Variants in MERTK observed in about 807,000 individuals in gnomAD.
MERTK encodes the protein MER proto-oncogene, tyrosine kinase, also known as tyrosine-protein kinase Mer.
MERTK carries 69 observed loss-of-function variants against 99.3 expected under a neutral mutation model. The observed-to-expected ratio is 0.70, with a 90% CI of 0.57 to 0.85. The LOEUF (loss-of-function observed/expected upper bound fraction) is 0.85. MERTK is among the 40% of genes least tolerant of loss of function. The probability of loss-of-function intolerance (pLI) is 0.00; values close to 1 mark genes in which losing one functional copy is unlikely to be tolerated. For synonymous variants in MERTK, 426 were observed against 467.6 expected, an observed-to-expected ratio of 0.91 and a Z score of 1.15; for missense variants, 1,125 against 1,249.4, an observed-to-expected ratio of 0.90 and a Z score of 1.50.
rs138846368 is a variant in MERTK at position 111,979,303 on chromosome 2, C to G, written c.1145-3539C>G. 1.6e-3 allele frequency among the ~76,000 whole-genome samples: 242 copies of G among 152,308 alleles called. 2 individuals are homozygous for G. The highest frequency in any genetic ancestry group is 5.5e-3 in the African/African-American group (227 of 41,558). On this transcript the variant is annotated intron_variant, in intron 7 of 18. Coordinates refer to ENST00000295408, the MANE Select transcript of MERTK (RefSeq NM_006343.3). ...AATTTAGGTTGAAATTATTTTCCCTCAGAAGTTTAAAGGCGTTTTTGTATC... is the reference window on the plus strand; with the variant it reads ...AATTTAGGTTGAAATTATTTTCCCTGAGAAGTTTAAAGGCGTTTTTGTATC...
At position 112,029,074 on chromosome 2, in the gene MERTK, A is replaced by G; in HGVS notation, c.*210A>G. 1 of 1,283,790 alleles carries G rather than the reference A, an allele frequency of 7.8e-7. No homozygotes were observed. Among genetic ancestry groups the G allele is most frequent in the South Asian group, 2.3e-5 (1 of 43,862 alleles). The allele number at this position is 1,283,790 out of a possible 1,614,324, so 79.5% of individuals were successfully genotyped here. A position where few individuals can be genotyped will look rare whatever the true frequency, so the allele number is the denominator to read the frequency against. The stretch of plus-strand genomic sequence containing the variant: ...AAAAAATATGTGTATATCATGGAAA[A>G]AGACAAGGATATTTTAATAAAACAT... On this transcript the variant is annotated 3_prime_UTR_variant, in exon 19 of 19. Coordinates refer to ENST00000295408, the MANE Select transcript of MERTK (RefSeq NM_006343.3).
chr2:111,918,383 A>G (rs1291893693), intron 1 of MERTK, among the ~76,000 whole-genome samples: 3 of 152,110 alleles, frequency 2.0e-5, no homozygotes, highest in African/African-American at 7.2e-5. Context: ...GCTGGAGTAT[A>G]TGTTTTGGGA....
intron 15 of MERTK, among the ~76,000 whole-genome samples, chr2:112,013,061 C>T (rs1196639327): frequency 6.6e-6 from 1 of 151,886 alleles, no homozygotes; most frequent in Non-Finnish European, 1.5e-5. Flanking sequence ...TTCTCTTCTT[C>T]CTAGGGACAG....
intron 1 of MERTK, 100 bp from the exon 2 acceptor site, chr2:111,929,020 G>A: frequency 8.4e-7 from 1 of 1,190,358 alleles, no homozygotes; most frequent in Admixed American, 1.8e-5. Flanking sequence ...GGGCACAGAG[G>A]ACACCCCAGT....
chr2:111,919,754 G>T (rs867132780), intron 1 of MERTK, among the ~76,000 whole-genome samples: 24 of 151,564 alleles, frequency 1.6e-4, no homozygotes, highest in African/African-American at 5.6e-4. Flanking sequence ...AAGCAGAGAG[G>T]TACCTCTGCT....
chr2:111,968,356 C>G, intron 6 of MERTK, 104 bp downstream of exon 6: 5 of 884,348 alleles, frequency 5.7e-6, no homozygotes, highest in Non-Finnish European at 9.4e-6. Flanking sequence ...TTCTCCATCT[C>G]TGTACAGAGT....
intron 2 of MERTK, among the ~76,000 whole-genome samples, chr2:111,933,296 T>A (rs570823558): frequency 1.3e-5 from 2 of 152,334 alleles, no homozygotes; most frequent in South Asian, 2.1e-4. Flanking sequence ...CCTAAGGAAA[T>A]CTACTGTGGC....
chr2:111,913,565 A>C (rs1336858404), intron 1 of MERTK, among the ~76,000 whole-genome samples: 2 of 151,596 alleles, frequency 1.3e-5, no homozygotes, highest in Non-Finnish European at 2.9e-5. Flanking sequence ...TTTTTTTGAG[A>C]TGGAGTCTCA....
intron 13 of MERTK, among the ~76,000 whole-genome samples, chr2:112,005,355 A>T (rs1381662871): frequency 6.6e-6 from 1 of 152,206 alleles, no homozygotes; most frequent in Non-Finnish European, 1.5e-5. Flanking sequence ...TACAGGCATG[A>T]GCCACTTCAC....
intron 18 of MERTK, chr2:112,028,078 A>G (rs1677506579): frequency 6.2e-6 from 3 of 486,134 alleles, no homozygotes; most frequent in Non-Finnish European, 1.1e-5. Flanking sequence ...CCATATAAAG[A>G]AAGAGACCTA....
intron 1 of MERTK, among the ~76,000 whole-genome samples, chr2:111,925,292 AT>A (rs11433691): frequency 1.3e-3 from 33 of 24,476 alleles, no homozygotes; most frequent in African/African-American, 3.0e-3. Context: ...ATATATATAT[AT>A]TTTTTTTTTT....
chr2:111,947,890 T>A (rs1310486275), intron 4 of MERTK, among the ~76,000 whole-genome samples: 1 of 152,062 alleles, frequency 6.6e-6, no homozygotes, highest in Non-Finnish European at 1.5e-5. Flanking sequence ...GTCTGTCAGG[T>A]CTTGCGTTTA....
chr2:112,022,467 A>G (rs1472727107), intron 18 of MERTK, 73 bp downstream of exon 18: 11 of 1,604,424 alleles, frequency 6.9e-6, no homozygotes, highest in East Asian at 2.2e-5. Context: ...GACCTCGGAA[A>G]CACAGCCATG....
At chr2:111,973,677 TTGTC>T (rs1354323285) in intron 6 of MERTK, among the ~76,000 whole-genome samples, 1 of 152,170 alleles carries the variant, frequency 6.6e-6, no homozygotes, top group Non-Finnish European at 1.5e-5. Flanking sequence ...CGATATCATT[TTGTC>T]TGTTCTGATT....
intron 4 of MERTK, among the ~76,000 whole-genome samples, chr2:111,963,678 G>A (rs1225504713): frequency 6.6e-6 from 1 of 152,092 alleles, no homozygotes; most frequent in Non-Finnish European, 1.5e-5. Flanking sequence ...CGGGGTTGGG[G>A]GTAAGGTTAC....
At chr2:111,904,361 G>A (rs1684098263) in intron 1 of MERTK, among the ~76,000 whole-genome samples, 1 of 150,150 alleles carries the variant, frequency 6.7e-6, no homozygotes, top group South Asian at 2.1e-4. Context: ...GTTTTTGAGT[G>A]TGAACATCCA....
intron 2 of MERTK, among the ~76,000 whole-genome samples, chr2:111,941,708 TG>T (rs1684869519): frequency 6.6e-6 from 1 of 151,878 alleles, no homozygotes; most frequent in Admixed American, 6.5e-5. Context: ...ACAAGTATAA[TG>T]ATTTATGGAA....
intron 4 of MERTK, among the ~76,000 whole-genome samples, chr2:111,949,208 C>T (rs1045677788): frequency 1.3e-5 from 2 of 151,960 alleles, no homozygotes; most frequent in African/African-American, 2.4e-5. Flanking sequence ...CACTTGTCAC[C>T]GTCTATAATT....
chr2:111,989,240 T>G (rs1443197908), intron 8 of MERTK, among the ~76,000 whole-genome samples: 2 of 152,182 alleles, frequency 1.3e-5, no homozygotes, highest in Admixed American at 1.3e-4. Context: ...GCCTGTGAAT[T>G]TGAAACCCCT....
Sources: allele counts gnomAD v4.1 joint callset (sites outside exome capture counted in the v4.1 genomes callset), GRCh38; gene constraint gnomAD v4.1.1; transcripts MANE v1.5; gene names NCBI Gene and HGNC (gene_info 2026-07-23, HGNC 2026-07-21).